WDR11: variants seen among roughly 807,000 people sequenced by gnomAD.
WDR11 encodes the protein WD repeat domain 11.
In WDR11, 83 loss-of-function variants were observed where a neutral mutation model predicts 151.2. That is an observed-to-expected ratio of 0.55 (90% CI 0.46 to 0.66). The LOEUF (loss-of-function observed/expected upper bound fraction) is 0.66. Ranked by LOEUF, WDR11 falls within the 30% of genes least tolerant of loss-of-function variation. The probability of loss-of-function intolerance (pLI) is 0.00; values close to 1 mark genes in which losing one functional copy is unlikely to be tolerated. For missense variants in WDR11, 1,301 were observed against 1,480.9 expected (o/e 0.88, Z 1.99); for synonymous variants, 484 against 533.1 (o/e 0.91, Z 1.27).
intron 19 of WDR11, among the ~76,000 whole-genome samples, chr10:120,896,897 T>C (rs1388817454): frequency 6.6e-6 from 1 of 152,202 alleles, no homozygotes; most frequent in African/African-American, 2.4e-5. Flanking sequence ...TGACACTCAA[T>C]GGCAGTGAGC....
chr10:120,867,495 C>T (rs188861237), intron 9 of WDR11, among the ~76,000 whole-genome samples: 313 of 152,308 alleles, frequency 2.1e-3, no homozygotes, highest in Non-Finnish European at 3.7e-3. Context: ...AACTCAGGGC[C>T]TTGCTGTTTG....
chr10:120,882,338 G>A (rs1847038104), intron 13 of WDR11, among the ~76,000 whole-genome samples: 1 of 151,816 alleles, frequency 6.6e-6, no homozygotes, highest in Non-Finnish European at 1.5e-5. Context: ...GGATATTGGT[G>A]TCGTTTTTAT....
At chr10:120,886,614 G>C in intron 15 of WDR11, 75 bp from the exon 16 acceptor site, 1 of 1,568,158 alleles carries the variant, frequency 6.4e-7, no homozygotes, top group Non-Finnish European at 8.7e-7. Flanking sequence ...CTGTACTTTG[G>C]GCAAGTTAAT....
At chr10:120,874,180 T>TTTG (rs1846652056) in intron 11 of WDR11, among the ~76,000 whole-genome samples, 1 of 56,702 alleles carries the variant, frequency 1.8e-5, no homozygotes, top group Admixed American at 2.3e-4. Flanking sequence ...TTTGCAGTTT[T>TTTG]TTTTTTTTTT....
Position 120,865,133 on chromosome 10 carries a change from A to G in WDR11, c.800A>G (p.Glu267Gly). ...CACATGTTGTTGCTCTATCCTCGAGAGATTTTAATCCTTGACCTTGAGGTG... is the reference window on the plus strand; with the variant it reads ...CACATGTTGTTGCTCTATCCTCGAGGGATTTTAATCCTTGACCTTGAGGTG... ...RNHMLLLYPREILILDLEVNQ... is the reference protein window; with the variant it reads ...RNHMLLLYPRGILILDLEVNQ... The change falls in exon 6 of 29, where the codon GAG becomes GGG. Residue 267 changes from glutamate to glycine, a missense_variant. Around this residue, in one of 3 missense-constraint regions of WDR11, gnomAD observed 692 missense variants for 762.5 expected, o/e 0.91. Coordinates refer to ENST00000263461, the MANE Select transcript of WDR11 (RefSeq NM_018117.12). 6.2e-7 allele frequency: 1 copy of G among 1,613,940 alleles called. No individual in the cohort carries two copies. Among genetic ancestry groups the G allele is most frequent in the Non-Finnish European group, 8.5e-7 (1 of 1,179,876 alleles).
At position 120,905,351 on chromosome 10, in the gene WDR11, G is replaced by A. The variant is rs200126172; in HGVS notation, c.3226G>A (p.Ala1076Thr). The A allele has an allele frequency of 1.1e-4, 177 of 1,614,130 alleles. 1 individual carries two copies. The East Asian group carries it at 3.9e-3, about 36-fold the overall frequency. ...GVQLLCLIDK[A>T]ADACRYLQTY... is the part of the protein sequence containing the mutation. ...TCAGTTGCTCTGCCTGATAGATAAG[G>A]CTGCAGACGCCTGCCGCTACCTGCA... Residue 1076 changes from alanine (A) to threonine (T), a missense_variant, in exon 26 of 29, where the codon GCT becomes ACT. By Grantham distance (58) the Ala-to-Thr change is moderately conservative. This residue lies in a region of WDR11 where 589 missense variants were observed against 670.6 expected (regional missense o/e 0.88). Coordinates refer to ENST00000263461, the MANE Select transcript of WDR11 (RefSeq NM_018117.12).
rs778415301 is a variant in WDR11, at chr10:120,862,935, G to C, written c.713+14G>C. The C allele has an allele frequency of 6.5e-7, 1 of 1,549,284 alleles. No individual in the cohort carries two copies. Among genetic ancestry groups the C allele is most frequent in the Non-Finnish European group, 8.9e-7 (1 of 1,121,290 alleles). ...AGAGAAACCTAGGTAAGTTACAAGT[G>C]TAAAATTAACATTCATCTACTTATC... On this transcript the variant is annotated intron_variant, in intron 5 of 28. Transcript: ENST00000263461.
chr10:120,891,117 C>CTT lies in WDR11; in HGVS notation c.2515+233_2515+234dup, dbSNP rs10668494. 0.37 allele frequency among the ~76,000 whole-genome samples: 56,404 copies of CTT among 151,762 alleles called. 10,542 individuals carry two copies. Among genetic ancestry groups the CTT allele is most frequent in the Admixed American group, 0.44 (6,688 of 15,252 alleles). On this transcript the variant is annotated intron_variant, in intron 19 of 28. Transcript: ENST00000263461. ...CTCAATTCAGGTTTTTTAAGTGCCCCTTTTGACTCTTTTCTTTGGTTTGTT... is the reference window on the plus strand; with the variant it reads ...CTCAATTCAGGTTTTTTAAGTGCCCCTTTTTTGACTCTTTTCTTTGGTTTGTT...
At chr10:120,898,501 A>C (rs903269647) in intron 19 of WDR11, among the ~76,000 whole-genome samples, 1 of 152,216 alleles carries the variant, frequency 6.6e-6, no homozygotes, top group Non-Finnish European at 1.5e-5. Flanking sequence ...ATAATTGCAC[A>C]GTCCAGAGTT....
intron 25 of WDR11, 81 bp downstream of exon 25, chr10:120,904,892 T>C: frequency 2.7e-6 from 4 of 1,504,696 alleles, no homozygotes; most frequent in Non-Finnish European, 3.7e-6. Flanking sequence ...AGTAGGGACA[T>C]TTCTTTCTCT....
intron 16 of WDR11, among the ~76,000 whole-genome samples, chr10:120,888,627 G>A (rs1847308065): frequency 6.6e-6 from 1 of 152,286 alleles, no homozygotes; most frequent in Admixed American, 6.5e-5. Context: ...TGTCAGTGAA[G>A]CTCTGGATCC....
chr10:120,908,978 G>C lies in WDR11; in HGVS notation c.*265G>C. On this transcript the variant is annotated 3_prime_UTR_variant, in exon 29 of 29. Coordinates refer to ENST00000263461, the MANE Select transcript of WDR11 (RefSeq NM_018117.12). ...TTTATACTTTGGGAGAGAGCTTTAAGAGTCCCTGGAAATACTTTTTAATTT... is the reference window on the plus strand; with the variant it reads ...TTTATACTTTGGGAGAGAGCTTTAACAGTCCCTGGAAATACTTTTTAATTT... 2.2e-6 allele frequency: 1 copy of C among 456,254 alleles called. No homozygotes were observed. Among genetic ancestry groups the C allele is most frequent in the Non-Finnish European group, 3.9e-6 (1 of 254,116 alleles). The allele number at this position is 456,254 out of a possible 1,614,324, so 28.3% of individuals were successfully genotyped here.
At chr10:120,874,796 C>CT (rs1338060095) in intron 11 of WDR11, among the ~76,000 whole-genome samples, 77 of 149,240 alleles carry the variant, frequency 5.2e-4, no homozygotes, top group African/African-American at 1.8e-3. Context: ...TTTCCTCTTT[C>CT]TTTTTTTTTC....
In WDR11 at chr10:120,904,172, T is replaced by C. The variant is rs376208301; in HGVS notation, c.3027+30T>C. 6.7e-6 allele frequency: 10 copies of C among 1,484,734 alleles called. No homozygotes were observed. The African/African-American group carries it at 9.7e-5, about 14-fold the overall frequency. 92.0% of individuals were successfully genotyped at this position (1,484,734 alleles called of 1,614,324 possible). A position where few individuals can be genotyped will look rare whatever the true frequency, so the allele number is the denominator to read the frequency against. On this transcript the variant is annotated intron_variant, in intron 24 of 28. Coordinates refer to ENST00000263461, the MANE Select transcript of WDR11 (RefSeq NM_018117.12). ...GTCAGTTTTTATAACTCTACATGCTTCATTAAATTGCTAGTTAATTCGTAT... is the reference window on the plus strand; with the variant it reads ...GTCAGTTTTTATAACTCTACATGCTCCATTAAATTGCTAGTTAATTCGTAT...
intron 15 of WDR11, 119 bp from the exon 16 acceptor site, chr10:120,886,570 T>G: frequency 7.6e-7 from 1 of 1,312,682 alleles, no homozygotes; most frequent in South Asian, 1.4e-5. Flanking sequence ...TTCAGACTTT[T>G]AAAAAAATAG....
chr10:120,858,933 T>G, intron 3 of WDR11, 137 bp downstream of exon 3: 2 of 1,077,688 alleles, frequency 1.9e-6, no homozygotes, highest in South Asian at 2.7e-5. Flanking sequence ...TTGCCTATTC[T>G]GCTGATCTAA....
chr10:120,855,702 T>A (rs1214778066), intron 2 of WDR11, among the ~76,000 whole-genome samples: 1 of 152,242 alleles, frequency 6.6e-6, no homozygotes, highest in Non-Finnish European at 1.5e-5. Context: ...TAATTTTTGT[T>A]TATTGATCAT....
chr10:120,865,668 A>C lies in WDR11; in HGVS notation c.918A>C (p.Leu306=). Residue 306 remains leucine (L), a synonymous_variant, in exon 7 of 29, where the codon CTA becomes CTC. Transcript: ENST00000263461. ...TTCAGCGTGATGGTTTATTTTGTCTACATGAAAATGGTTGTATAACTTTAC... is the reference window on the plus strand; with the variant it reads ...TTCAGCGTGATGGTTTATTTTGTCTCCATGAAAATGGTTGTATAACTTTAC... ...PCFQRDGLFC[L]HENGCITLRV... The C allele has an allele frequency of 1.2e-6, 2 of 1,610,990 alleles. No homozygotes were observed. The highest frequency in any genetic ancestry group is 1.7e-6 in the Non-Finnish European group (2 of 1,179,240).
At chr10:120,904,901 C>A in intron 25 of WDR11, 90 bp downstream of exon 25, 1 of 1,465,032 alleles carries the variant, frequency 6.8e-7, no homozygotes, top group Admixed American at 1.7e-5. Context: ...ATTTCTTTCT[C>A]TTTTACATAT....
Sources: allele counts gnomAD v4.1 joint callset (sites outside exome capture counted in the v4.1 genomes callset), GRCh38; gene constraint gnomAD v4.1.1; regional missense constraint gnomAD v4.1.1; transcripts MANE v1.5; gene names NCBI Gene and HGNC (gene_info 2026-07-23, HGNC 2026-07-21).